The following RGCC variants were observed in gnomAD, a reference collection of about 807,000 sequenced individuals.
RGCC encodes the protein regulator of cell cycle.
Under a neutral mutation model 15.4 loss-of-function variants are expected in RGCC, and 15 were observed. That is an observed-to-expected ratio of 0.97 (90% CI 0.65 to 1.50). The LOEUF (loss-of-function observed/expected upper bound fraction) is 1.50, where lower values mean the gene tolerates loss of function less well. Among genes scored for constraint, RGCC ranks in the 40% most tolerant of loss-of-function variants. RGCC has a pLI of 0.00. For missense variants in RGCC, 176 were observed against 189.7 expected, an observed-to-expected ratio of 0.93 and a Z score of 0.42; for synonymous variants, 81 against 78.0, an observed-to-expected ratio of 1.04 and a Z score of -0.20.
rs1178362575 is a variant in RGCC at position 41,458,122 on chromosome 13, T to C, written c.50-163T>C. Among the ~76,000 whole-genome samples the C allele has an allele frequency of 6.6e-6, 1 of 151,980 alleles. No homozygotes were observed. The highest frequency in any genetic ancestry group is 1.5e-5 in the Non-Finnish European group (1 of 67,994). On this transcript the variant is annotated intron_variant, in intron 1 of 4. Coordinates refer to ENST00000379359, the MANE Select transcript of RGCC (RefSeq NM_014059.3). The surrounding 1 kb of genome is among the most constrained non-coding windows in gnomAD (Gnocchi z 4.4). ...TTGGTAATAGAACGCACTTCGGGGG[T>C]GGTGGAGAAGATTACAAGGTAACAG...
At chr13:41,459,447 G>A (rs1272994804) in intron 2 of RGCC, among the ~76,000 whole-genome samples, 3 of 152,142 alleles carry the variant, frequency 2.0e-5, no homozygotes, top group Non-Finnish European at 4.4e-5. Flanking sequence ...TGGCCTTTCC[G>A]TGTGATTCTC....
intron 3 of RGCC, 92 bp from the exon 4 acceptor site, chr13:41,468,684 C>A: frequency 1.1e-6 from 1 of 945,850 alleles, no homozygotes; most frequent in Non-Finnish European, 1.6e-6. Context: ...GAAGTTCCAA[C>A]TTCCTGGAAA....
In RGCC at chr13:41,458,243, C is replaced by T; in HGVS notation, c.50-42C>T. ...TGGCCCTGGGAGGTGGTCCCGCTGC[C>T]CCCCTGACTTCCGTGCACTGAGCCC... On this transcript the variant is annotated intron_variant, in intron 1 of 4. Coordinates refer to ENST00000379359, the MANE Select transcript of RGCC (RefSeq NM_014059.3). The surrounding 1 kb of genome is among the most constrained non-coding windows in gnomAD (Gnocchi z 4.4). The T allele has an allele frequency of 6.7e-7, 1 of 1,493,308 alleles. No individual in the cohort carries two copies. The highest frequency in any genetic ancestry group is 1.2e-5 in the South Asian group (1 of 81,256). The allele number at this position is 1,493,308 out of a possible 1,614,324, so 92.5% of individuals were successfully genotyped here.
chr13:41,458,528 CG>C lies in RGCC; in HGVS notation c.235+59del. ...ATCTCCCAGCTCCCAGGACCTGCCC[CG>C]CGAAGGCTGCGGCCTCAGTTTTCTT... On this transcript the variant is annotated intron_variant, in intron 2 of 4. Transcript: ENST00000379359. This position sits in a 1 kb window ranked among gnomAD's most constrained non-coding sequence, Gnocchi z 4.4. The C allele has an allele frequency of 6.7e-7, 1 of 1,502,176 alleles. No homozygotes were observed. Among genetic ancestry groups the C allele is most frequent in the Non-Finnish European group, 8.9e-7 (1 of 1,120,602 alleles). The allele number at this position is 1,502,176 out of a possible 1,614,324, so 93.1% of individuals were successfully genotyped here. A position where few individuals can be genotyped will look rare whatever the true frequency, so the allele number is the denominator to read the frequency against.
Position 41,457,588 on chromosome 13 carries a change from A to G in RGCC, c.-120A>G. 1 of 1,407,668 alleles carries G rather than the reference A, an allele frequency of 7.1e-7. No homozygotes were observed. The highest frequency in any genetic ancestry group is 1.5e-5 in the South Asian group (1 of 68,622). 87.2% of individuals were successfully genotyped at this position (1,407,668 alleles called of 1,614,324 possible). A position where few individuals can be genotyped will look rare whatever the true frequency, so the allele number is the denominator to read the frequency against. Reference sequence around the variant, plus strand: ...ACCGTGCTGGGAGCGGCGCGGCTGGAGCGCAGCGCCGAAGGGACTGGCAGG... The same window carrying G: ...ACCGTGCTGGGAGCGGCGCGGCTGGGGCGCAGCGCCGAAGGGACTGGCAGG... On this transcript the variant is annotated 5_prime_UTR_variant, in exon 1 of 5. Coordinates refer to ENST00000379359, the MANE Select transcript of RGCC (RefSeq NM_014059.3). This position sits in a 1 kb window ranked among gnomAD's most constrained non-coding sequence, Gnocchi z 4.9.
rs2043806063 is a variant in RGCC at position 41,458,601 on chromosome 13, G to A, written c.235+131G>A. On this transcript the variant is annotated intron_variant, in intron 2 of 4. Coordinates refer to ENST00000379359, the MANE Select transcript of RGCC (RefSeq NM_014059.3). This position sits in a 1 kb window ranked among gnomAD's most constrained non-coding sequence, Gnocchi z 4.4. ...TTCCTGAAGCTCAACGCAGTAGGCC[G>A]AGTGGTGGCGGGGCCCCTGACGATA... 3.8e-6 allele frequency: 4 copies of A among 1,058,682 alleles called. No homozygotes were observed. The highest frequency in any genetic ancestry group is 2.6e-5 in the East Asian group (1 of 38,160). The allele number at this position is 1,058,682 out of a possible 1,614,324, so 65.6% of individuals were successfully genotyped here.
chr13:41,462,357 ACT>A (rs2043826017), intron 2 of RGCC, among the ~76,000 whole-genome samples: 1 of 151,914 alleles, frequency 6.6e-6, no homozygotes, highest in Non-Finnish European at 1.5e-5. Context: ...TGTTTCTCAG[ACT>A]CTGTTAGTTG....
In RGCC at chr13:41,457,671, C is replaced by G. The variant is rs773865896; in HGVS notation, c.-37C>G. On this transcript the variant is annotated 5_prime_UTR_variant, in exon 1 of 5. Coordinates refer to ENST00000379359, the MANE Select transcript of RGCC (RefSeq NM_014059.3). The surrounding 1 kb of genome is among the most constrained non-coding windows in gnomAD (Gnocchi z 4.9). The stretch of plus-strand genomic sequence containing the variant: ...AGCCCCGGCTGCCACCTCGCAGGAC[C>G]CAAGGCCACGCGCGCCGGGCCCAGC... The G allele has an allele frequency of 2.7e-6, 4 of 1,499,304 alleles. No individual in the cohort carries two copies. Among genetic ancestry groups the G allele is most frequent in the Non-Finnish European group, 2.7e-6 (3 of 1,125,786 alleles). The allele number at this position is 1,499,304 out of a possible 1,614,324, so 92.9% of individuals were successfully genotyped here. A position where few individuals can be genotyped will look rare whatever the true frequency, so the allele number is the denominator to read the frequency against.
rs1303822859 is a variant in RGCC at position 41,458,800 on chromosome 13, C to G, written c.235+330C>G. 6.6e-6 allele frequency among the ~76,000 whole-genome samples: 1 copy of G among 152,156 alleles called. No homozygotes were observed. The highest frequency in any genetic ancestry group is 1.5e-5 in the Non-Finnish European group (1 of 68,036). On this transcript the variant is annotated intron_variant, in intron 2 of 4. Coordinates refer to ENST00000379359, the MANE Select transcript of RGCC (RefSeq NM_014059.3). This position sits in a 1 kb window ranked among gnomAD's most constrained non-coding sequence, Gnocchi z 4.4. ...TCTCCTTTCCGTGCCTCTCCCCTCT[C>G]AGCTGTAACTTTGCAGATGTGGAAC...
chr13:41,469,932 A>T (rs1008167292), intron 4 of RGCC, among the ~76,000 whole-genome samples: 2 of 152,228 alleles, frequency 1.3e-5, no homozygotes, highest in African/African-American at 4.8e-5. Context: ...CAGCAACTCT[A>T]CTACGGGGGG....
In RGCC at chr13:41,468,756, C is replaced by T. The variant is rs751736767; in HGVS notation, c.344-20C>T. The T allele has an allele frequency of 1.9e-6, 3 of 1,575,264 alleles. No homozygotes were observed. Among genetic ancestry groups the T allele is most frequent in the Non-Finnish European group, 2.6e-6 (3 of 1,152,078 alleles). On this transcript the variant is annotated intron_variant, in intron 3 of 4. Transcript: ENST00000379359. ...AACTGAACTCTCTCTCTCTCTCTCT[C>T]TCCCTCTCCTGTTTCACAGCTAAAT...
rs199557068 is a variant in RGCC, at chr13:41,468,806, C to T, written c.374C>T (p.Ala125Val). The T allele has an allele frequency of 8.7e-6, 14 of 1,607,954 alleles. No individual in the cohort carries two copies. The African/African-American group carries it at 1.7e-4, about 20-fold the overall frequency. Residue 125 changes from alanine to valine, a missense_variant, in exon 4 of 5, where the codon GCC becomes GTC. Coordinates refer to ENST00000379359, the MANE Select transcript of RGCC (RefSeq NM_014059.3). ...AKLGDTKELEAFIADLDKTLA... is the reference protein window; with the variant it reads ...AKLGDTKELEVFIADLDKTLA... ...TTAGGAGACACAAAAGAGCTAGAAG[C>T]CTTCATTGCTGATCTTGACAAAACT...
chr13:41,469,227 C>T (rs955803224), intron 4 of RGCC, among the ~76,000 whole-genome samples: 4 of 151,394 alleles, frequency 2.6e-5, no homozygotes, highest in Admixed American at 2.0e-4. Flanking sequence ...CGCCACTGTA[C>T]TCCAGCCTGG....
intron 2 of RGCC, among the ~76,000 whole-genome samples, chr13:41,461,303 T>C (rs1428825243): frequency 6.6e-6 from 1 of 152,218 alleles, no homozygotes; most frequent in Admixed American, 6.5e-5. Context: ...GGCAATGCAA[T>C]TAAGAGTTAG....
intron 4 of RGCC, 45 bp downstream of exon 4, chr13:41,468,883 CAG>C (rs1189527767): frequency 3.7e-6 from 5 of 1,347,634 alleles, no homozygotes; most frequent in Non-Finnish European, 1.0e-6. Flanking sequence ...AAAAAACTAA[CAG>C]ACACTTCTGA....
chr13:41,466,830 T>C lies in RGCC; in HGVS notation c.243T>C (p.Asp81=). The C allele has an allele frequency of 6.2e-7, 1 of 1,611,716 alleles. No individual in the cohort carries two copies. The highest frequency in any genetic ancestry group is 8.5e-7 in the Non-Finnish European group (1 of 1,177,846). Residue 81 remains aspartate (D), a synonymous_variant, in exon 3 of 5, where the codon GAT becomes GAC. Coordinates refer to ENST00000379359, the MANE Select transcript of RGCC (RefSeq NM_014059.3). ...TATTTTCCTTCCTGAAAGGTGCAGA[T>C]TCACTTTATAGGAACAGCTTCAGCT... ...SSGFSDSESA[D]SLYRNSFSFS... is the part of the protein sequence containing the mutation.
In RGCC at chr13:41,468,160, G is replaced by A. The variant is rs147166252; in HGVS notation, c.344-616G>A. Among the ~76,000 whole-genome samples, 53 of 152,322 alleles carry A rather than the reference G, an allele frequency of 3.5e-4. 1 individual carries two copies. The highest frequency in any genetic ancestry group is 1.2e-3 in the African/African-American group (49 of 41,590). On this transcript the variant is annotated intron_variant, in intron 3 of 4. Transcript: ENST00000379359. ...CTGTCCTGGGCCCAGAAGACTCATG[G>A]CACCTTCCCTGTACCATTTTGATAA...
intron 2 of RGCC, among the ~76,000 whole-genome samples, chr13:41,461,777 G>T (rs1267042972): frequency 6.6e-6 from 1 of 152,206 alleles, no homozygotes; most frequent in East Asian, 1.9e-4. Context: ...AGGGGACCTT[G>T]TGGGCCCTGG....
chr13:41,465,398 T>A (rs746467505), intron 2 of RGCC, among the ~76,000 whole-genome samples: 1 of 152,210 alleles, frequency 6.6e-6, no homozygotes, highest in Admixed American at 6.5e-5. Context: ...GCAGCCCCTT[T>A]CTGAGTCACA....
Sources: allele counts gnomAD v4.1 joint callset (sites outside exome capture counted in the v4.1 genomes callset), GRCh38; gene constraint gnomAD v4.1.1; non-coding constraint Gnocchi (gnomAD v3.1); transcripts MANE v1.5; gene names NCBI Gene and HGNC (gene_info 2026-07-23, HGNC 2026-07-21).